VOPP1: variants seen among roughly 807,000 people sequenced by gnomAD.
The protein encoded by VOPP1 is VOPP1 WW domain binding protein.
VOPP1 carries 8 observed loss-of-function variants against 23.5 expected under a neutral mutation model. That is an observed-to-expected ratio of 0.34 (90% CI 0.20 to 0.61). The LOEUF (loss-of-function observed/expected upper bound fraction) is 0.61. Ranked by LOEUF, VOPP1 falls within the 20% of genes least tolerant of loss-of-function variation. VOPP1 has a pLI of 0.78. For missense variants in VOPP1, 174 were observed against 238.1 expected (o/e 0.73, Z 1.77); for synonymous variants, 83 against 97.3 (o/e 0.85, Z 0.86).
At chr7:55,511,042 C>A (rs1795038296) in intron 2 of VOPP1, among the ~76,000 whole-genome samples, 1 of 152,202 alleles carries the variant, frequency 6.6e-6, no homozygotes, top group Admixed American at 6.5e-5. Flanking sequence ...TTGAGAGCAA[C>A]CCCATCTCAT....
intron 1 of VOPP1, among the ~76,000 whole-genome samples, chr7:55,552,021 CAAAAAAAAAAAAAAAA>C (rs202229227): frequency 2.2e-4 from 12 of 55,800 alleles, no homozygotes; most frequent in East Asian, 3.5e-4. Flanking sequence ...AGACTGTGTC[CAAAAAAAAAAAAAAAA>C]AAAAAAAAAA....
intron 1 of VOPP1, among the ~76,000 whole-genome samples, chr7:55,548,576 C>T (rs897316813): frequency 6.6e-6 from 1 of 152,276 alleles, no homozygotes; most frequent in African/African-American, 2.4e-5. Flanking sequence ...CACTCCCAAA[C>T]ATGCTGTCTG....
chr7:55,538,328 G>T (rs1584072601), intron 1 of VOPP1, among the ~76,000 whole-genome samples: 1 of 152,234 alleles, frequency 6.6e-6, no homozygotes. Flanking sequence ...AGGTAAAGAT[G>T]TAGCCAGTCC....
chr7:55,517,618 C>A (rs1018783468), intron 2 of VOPP1, among the ~76,000 whole-genome samples: 1 of 152,148 alleles, frequency 6.6e-6, no homozygotes, highest in Non-Finnish European at 1.5e-5. Flanking sequence ...ACCAAGGCAG[C>A]AGAAACCACA....
At chr7:55,540,446 A>T (rs1047082038) in intron 1 of VOPP1, among the ~76,000 whole-genome samples, 17 of 137,266 alleles carry the variant, frequency 1.2e-4, no homozygotes, top group Admixed American at 4.3e-4. Context: ...AATAAATAAA[A>T]ATAAATGAAC....
chr7:55,476,870 G>GGCCT (rs1792296714), intron 4 of VOPP1, among the ~76,000 whole-genome samples: 3 of 152,128 alleles, frequency 2.0e-5, no homozygotes, highest in Admixed American at 1.3e-4. Flanking sequence ...AGAGGGACAG[G>GGCCT]GCCTGCTATG....
chr7:55,492,757 G>A (rs947667221), intron 3 of VOPP1: 8 of 192,982 alleles, frequency 4.1e-5, no homozygotes, highest in Middle Eastern at 1.8e-3. Flanking sequence ...ACCTCAGCTC[G>A]ACATTTTAGT....
chr7:55,439,301 T>G (rs907349367), intron 4 of VOPP1, among the ~76,000 whole-genome samples: 2 of 151,708 alleles, frequency 1.3e-5, no homozygotes, highest in Non-Finnish European at 2.9e-5. Flanking sequence ...GGAAGCCGTG[T>G]GTGGAGAAGG....
At chr7:55,495,481 A>C (rs922090084) in intron 3 of VOPP1, among the ~76,000 whole-genome samples, 4 of 152,094 alleles carry the variant, frequency 2.6e-5, no homozygotes, top group African/African-American at 9.7e-5. Flanking sequence ...ACCTTTTAAC[A>C]CATCCACTCT....
intron 1 of VOPP1, chr7:55,538,790 G>T (rs1475551287): frequency 5.5e-6 from 3 of 549,396 alleles, no homozygotes; most frequent in Non-Finnish European, 6.0e-6. Context: ...CTGCTGATGA[G>T]GAAACATCTC....
At chr7:55,507,774 G>A (rs1306010665) in intron 2 of VOPP1, among the ~76,000 whole-genome samples, 1 of 152,156 alleles carries the variant, frequency 6.6e-6, no homozygotes, top group Non-Finnish European at 1.5e-5. Context: ...GGAGGTGCCT[G>A]TGTGTTGAGA....
intron 1 of VOPP1, chr7:55,552,635 A>C: frequency 1.3e-6 from 2 of 1,535,974 alleles, no homozygotes; most frequent in South Asian, 2.4e-5. Flanking sequence ...TGTGGCTCCA[A>C]AGTTGCCCTT....
chr7:55,567,626 G>C (rs1798205669), intron 1 of VOPP1, among the ~76,000 whole-genome samples: 1 of 152,116 alleles, frequency 6.6e-6, no homozygotes, highest in African/African-American at 2.4e-5. Flanking sequence ...CCCAGGTCTG[G>C]GCCCAACGCC....
intron 1 of VOPP1, among the ~76,000 whole-genome samples, chr7:55,542,780 A>G (rs1797189465): frequency 6.7e-6 from 1 of 148,828 alleles, no homozygotes; most frequent in South Asian, 2.2e-4. Context: ...ACAGAGCGAG[A>G]CTCCATCTCC....
chr7:55,564,672 C>G (rs1310878658), intron 1 of VOPP1, among the ~76,000 whole-genome samples: 1 of 152,146 alleles, frequency 6.6e-6, no homozygotes, highest in Non-Finnish European at 1.5e-5. Flanking sequence ...AGGAAACCCT[C>G]CCTCCTGTCC....
intron 4 of VOPP1, among the ~76,000 whole-genome samples, chr7:55,440,101 G>C (rs961309545): frequency 1.3e-5 from 2 of 152,252 alleles, no homozygotes; most frequent in African/African-American, 4.8e-5. Flanking sequence ...TGGCAGGTTT[G>C]TGCGTTCCTT....
chr7:55,548,468 A>G (rs1261472750), intron 1 of VOPP1, among the ~76,000 whole-genome samples: 2 of 152,166 alleles, frequency 1.3e-5, no homozygotes, highest in Non-Finnish European at 2.9e-5. Flanking sequence ...GTTTTCTCAC[A>G]TTAGAGCTGG....
chr7:55,497,657 C>T lies in VOPP1; in HGVS notation c.147G>A (p.Arg49=), dbSNP rs1794065651. ...CRSYEDCCGS[R]CCVRALSIQR... ...GTATGGAGAGGGCCCGCACACAGCA[C>T]CTGGAGCCACAGCAGTCCTCGTAGG... Residue 49 remains arginine, a synonymous_variant, in exon 3 of 5, where the codon AGG becomes AGA. Coordinates refer to ENST00000285279, the MANE Select transcript of VOPP1 (RefSeq NM_030796.5). The T allele has an allele frequency of 6.2e-7, 1 of 1,613,506 alleles. No homozygotes were observed. The highest frequency in any genetic ancestry group is 1.7e-5 in the Admixed American group (1 of 59,956).
At chr7:55,530,877 A>G (rs975724695) in intron 1 of VOPP1, 2 of 152,194 alleles carry the variant, frequency 1.3e-5, no homozygotes, top group Admixed American at 1.3e-4. Flanking sequence ...AATCAAACAC[A>G]AGTGTGTCCA....
Sources: allele counts gnomAD v4.1 joint callset (sites outside exome capture counted in the v4.1 genomes callset), GRCh38; gene constraint gnomAD v4.1.1; transcripts MANE v1.5; gene names NCBI Gene and HGNC (gene_info 2026-07-23, HGNC 2026-07-21).